Variants in CENPP observed in about 807,000 individuals in gnomAD.
CENPP encodes centromere protein P.
A neutral mutation model predicts 35.6 loss-of-function variants in CENPP; 24 were observed. That is an observed-to-expected ratio of 0.67 (90% CI 0.49 to 0.95). The LOEUF (loss-of-function observed/expected upper bound fraction) is 0.95, where lower values mean the gene tolerates loss of function less well. Ranked by LOEUF, CENPP falls within the 40% of genes least tolerant of loss-of-function variation. The pLI is 0.00. For synonymous variants in CENPP, 120 were observed against 125.5 expected (o/e 0.96, Z 0.29); for missense variants, 332 against 345.3 (o/e 0.96, Z 0.31).
chr9:92,372,099 C>CTATTTTTTTTTTTTTTTTTTTT (rs1842023056), intron 4 of CENPP, among the ~76,000 whole-genome samples: 1 of 30,680 alleles, frequency 3.3e-5, no homozygotes, highest in African/African-American at 1.4e-4. Context: ...TGCCAGCCAT[C>CTATTTTTTTTTTTTTTTTTTTT]TTTTTTTTTT....
At chr9:92,532,922 C>T (rs576350886) in intron 5 of CENPP, among the ~76,000 whole-genome samples, 25 of 151,894 alleles carry the variant, frequency 1.6e-4, no homozygotes, top group Admixed American at 5.9e-4. Context: ...TGAGAATTTG[C>T]GTCTGTTTCA....
chr9:92,602,137 G>A (rs1274080478), intron 5 of CENPP, among the ~76,000 whole-genome samples: 1 of 152,198 alleles, frequency 6.6e-6, no homozygotes. Flanking sequence ...GTTTACAGGA[G>A]CTCATACTGG....
intron 5 of CENPP, among the ~76,000 whole-genome samples, chr9:92,404,152 C>T (rs112636642): frequency 1.8e-4 from 27 of 152,230 alleles, no homozygotes; most frequent in African/African-American, 5.5e-4. Flanking sequence ...CCTTTAGGCT[C>T]ATCAATGGAT....
At chr9:92,467,228 G>A (rs779428190) in intron 5 of CENPP, among the ~76,000 whole-genome samples, 2 of 152,212 alleles carry the variant, frequency 1.3e-5, no homozygotes, top group African/African-American at 4.8e-5. Flanking sequence ...AAAAGAGCTC[G>A]TACCAGTGTG....
chr9:92,392,489 G>GCA (rs1171891364), intron 5 of CENPP, among the ~76,000 whole-genome samples: 1 of 152,022 alleles, frequency 6.6e-6, no homozygotes, highest in Non-Finnish European at 1.5e-5. Flanking sequence ...AGGTGTGGTG[G>GCA]CACACACCTC....
At chr9:92,371,456 C>T (rs907293438) in intron 4 of CENPP, among the ~76,000 whole-genome samples, 1 of 152,036 alleles carries the variant, frequency 6.6e-6, no homozygotes, top group Non-Finnish European at 1.5e-5. Flanking sequence ...TAGTTGTATT[C>T]CAGTGTGTTC....
chr9:92,348,719 G>A (rs1489971373), intron 4 of CENPP, among the ~76,000 whole-genome samples: 1 of 152,156 alleles, frequency 6.6e-6, no homozygotes, highest in Non-Finnish European at 1.5e-5. Flanking sequence ...GTGCTTGTCT[G>A]TTGGCCGTAA....
chr9:92,380,054 G>T (rs890970940), intron 5 of CENPP, among the ~76,000 whole-genome samples, 195 bp downstream of exon 5: 2 of 152,214 alleles, frequency 1.3e-5, no homozygotes, highest in African/African-American at 2.4e-5. Flanking sequence ...AATTTATGTT[G>T]TGGAATGTCT....
intron 5 of CENPP, among the ~76,000 whole-genome samples, chr9:92,502,128 C>T (rs563556823): frequency 1.3e-5 from 2 of 152,286 alleles, no homozygotes; most frequent in East Asian, 3.9e-4. Context: ...ATCCTTCATT[C>T]AAACCTCCTG....
At chr9:92,326,359 C>T (rs1840504112) in intron 1 of CENPP, among the ~76,000 whole-genome samples, 1 of 152,234 alleles carries the variant, frequency 6.6e-6, no homozygotes, top group Non-Finnish European at 1.5e-5. Context: ...GAAGTCTTGA[C>T]TATATCCCTA....
chr9:92,423,097 A>T (rs1327899925), intron 5 of CENPP, among the ~76,000 whole-genome samples: 1 of 152,182 alleles, frequency 6.6e-6, no homozygotes, highest in African/African-American at 2.4e-5. Flanking sequence ...CTAGGCATTT[A>T]TTTCACTATG....
chr9:92,391,356 G>A (rs1842676387), intron 5 of CENPP, among the ~76,000 whole-genome samples: 1 of 152,100 alleles, frequency 6.6e-6, no homozygotes, highest in African/African-American at 2.4e-5. Context: ...GCAGTGAGCC[G>A]AGATGGTGCC....
intron 5 of CENPP, among the ~76,000 whole-genome samples, chr9:92,577,286 G>T (rs1850306326): frequency 6.6e-6 from 1 of 152,180 alleles, no homozygotes; most frequent in South Asian, 2.1e-4. Context: ...GGCTGAGGCA[G>T]GCTGATCACT....
At chr9:92,380,941 T>A (rs969268224) in intron 5 of CENPP, among the ~76,000 whole-genome samples, 2 of 152,180 alleles carry the variant, frequency 1.3e-5, no homozygotes, top group Non-Finnish European at 2.9e-5. Flanking sequence ...TGTATTTTTC[T>A]TATGGAGGGT....
At chr9:92,401,049 A>C in intron 5 of CENPP, 1 of 930,696 alleles carries the variant, frequency 1.1e-6, no homozygotes, top group Non-Finnish European at 1.7e-6. Flanking sequence ...CATTATAGCT[A>C]TTTTTAAAAG....
chr9:92,366,607 T>C (rs1303820471), intron 4 of CENPP, among the ~76,000 whole-genome samples: 1 of 152,208 alleles, frequency 6.6e-6, no homozygotes, highest in Admixed American at 6.5e-5. Context: ...GTATTTGTGG[T>C]CTTTTTCTTT....
chr9:92,513,043 T>C (rs1415106984), intron 5 of CENPP, among the ~76,000 whole-genome samples: 1 of 152,176 alleles, frequency 6.6e-6, no homozygotes, highest in African/African-American at 2.4e-5. Context: ...GATGGCCATC[T>C]CTGCACAAAT....
intron 5 of CENPP, among the ~76,000 whole-genome samples, chr9:92,465,223 T>C (rs919268103): frequency 5.3e-5 from 8 of 152,236 alleles, no homozygotes; most frequent in Non-Finnish European, 1.0e-4. Context: ...TACGGCTTTG[T>C]ATTATGTAAA....
intron 3 of CENPP, among the ~76,000 whole-genome samples, chr9:92,343,743 A>G (rs1160045699): frequency 6.6e-6 from 1 of 152,154 alleles, no homozygotes; most frequent in East Asian, 1.9e-4. Flanking sequence ...CCCAGGAATT[A>G]AAGGCCAGCC....
Sources: allele counts gnomAD v4.1 joint callset (sites outside exome capture counted in the v4.1 genomes callset), GRCh38; gene constraint gnomAD v4.1.1; transcripts MANE v1.5; gene names NCBI Gene and HGNC (gene_info 2026-07-23, HGNC 2026-07-21).